Variants in PCDHA1 observed in about 807,000 individuals in gnomAD.
The protein encoded by PCDHA1 is protocadherin alpha-1.
In PCDHA1, 42 loss-of-function variants were observed where a neutral mutation model predicts 61.3. The ratio of observed to expected loss-of-function variants is 0.69; its 90% CI spans 0.54 to 0.89. The LOEUF is 0.89. Among genes scored for constraint, PCDHA1 ranks in the 40% least tolerant of loss-of-function variants. PCDHA1 has a pLI of 0.00. For missense variants in PCDHA1, 1,256 were observed against 1,235.3 expected (o/e 1.02, Z -0.25); for synonymous variants, 610 against 553.8 (o/e 1.10, Z -1.43).
At chr5:141,004,839 C>G (rs1168305271) in intron 3 of PCDHA1, among the ~76,000 whole-genome samples, 1 of 152,168 alleles carries the variant, frequency 6.6e-6, no homozygotes, top group Non-Finnish European at 1.5e-5. Context: ...AGATCAAAGT[C>G]ATTAGTCTCA....
chr5:140,849,485 G>A, intron 1 of PCDHA1: 1 of 1,590,948 alleles, frequency 6.3e-7, no homozygotes, highest in African/African-American at 1.4e-5. Flanking sequence ...TCCCACCCCT[G>A]GCTGGTCATT....
intron 1 of PCDHA1, among the ~76,000 whole-genome samples, chr5:140,916,378 A>C (rs772984424): frequency 6.6e-6 from 1 of 152,158 alleles, no homozygotes; most frequent in Non-Finnish European, 1.5e-5. Flanking sequence ...TGTAGCCACC[A>C]CAACTAGGAA....
intron 3 of PCDHA1, among the ~76,000 whole-genome samples, chr5:141,007,362 G>A (rs1554261189): frequency 6.8e-6 from 1 of 146,590 alleles, no homozygotes; most frequent in Non-Finnish European, 1.5e-5. Context: ...ACCAGCCTGG[G>A]CAACATGATG....
intron 1 of PCDHA1, chr5:140,830,378 G>T: frequency 6.2e-7 from 1 of 1,614,122 alleles, no homozygotes; most frequent in African/African-American, 1.3e-5. Flanking sequence ...CTCCGGGGAG[G>T]GCCCACCCAA....
chr5:141,006,343 C>T (rs1036137270), intron 3 of PCDHA1, among the ~76,000 whole-genome samples: 41 of 152,038 alleles, frequency 2.7e-4, no homozygotes, highest in African/African-American at 8.9e-4. Context: ...TCCTGAGTAG[C>T]TGGGACTATA....
chr5:140,910,103 T>C (rs1485345908), intron 1 of PCDHA1, among the ~76,000 whole-genome samples: 2 of 152,192 alleles, frequency 1.3e-5, no homozygotes, highest in Admixed American at 6.5e-5. Flanking sequence ...CTCCCCTTCA[T>C]TTAAGGGATT....
At chr5:140,795,751 A>T (rs782311905) in intron 1 of PCDHA1, 1 of 1,614,064 alleles carries the variant, frequency 6.2e-7, no homozygotes, top group South Asian at 1.1e-5. Context: ...CTTAGTGGTT[A>T]AGTTAAACGC....
intron 1 of PCDHA1, chr5:140,857,554 G>A (rs782355772): frequency 1.3e-6 from 2 of 1,596,880 alleles, no homozygotes; most frequent in East Asian, 4.5e-5. Flanking sequence ...GCGAGCGCTC[G>A]CTGTCGAGCT....
chr5:140,877,095 C>G, intron 1 of PCDHA1: 1 of 1,613,330 alleles, frequency 6.2e-7, no homozygotes, highest in Admixed American at 1.7e-5. Flanking sequence ...GCGACGCCGG[C>G]GTGCCGCCTC....
intron 1 of PCDHA1, chr5:140,868,989 C>T (rs1280457697): frequency 1.3e-6 from 2 of 1,506,850 alleles, no homozygotes; most frequent in Non-Finnish European, 1.8e-6. Context: ...CGGATGCCAC[C>T]GTTTAAGGAT....
chr5:140,811,842 G>A (rs1385551513), intron 1 of PCDHA1: 1 of 152,136 alleles, frequency 6.6e-6, no homozygotes, highest in Non-Finnish European at 1.5e-5. Context: ...CTTTTTGATA[G>A]GGTTTTTTGT....
At chr5:140,839,146 T>A (rs2150295080) in intron 1 of PCDHA1, among the ~76,000 whole-genome samples, 1 of 129,620 alleles carries the variant, frequency 7.7e-6, no homozygotes, top group Non-Finnish European at 1.6e-5. Flanking sequence ...GCAGACCAAG[T>A]TTGCTGCTCT....
chr5:140,802,086 C>A, intron 1 of PCDHA1: 2 of 1,614,144 alleles, frequency 1.2e-6, no homozygotes, highest in Non-Finnish European at 1.7e-6. Flanking sequence ...CCATTTAGAT[C>A]CAGTCAATGG....
chr5:140,870,329 A>G, intron 1 of PCDHA1: 1 of 1,614,160 alleles, frequency 6.2e-7, no homozygotes, highest in Non-Finnish European at 8.5e-7. Context: ...TTGGTGCTGG[A>G]CAGCGCCCTG....
intron 1 of PCDHA1, among the ~76,000 whole-genome samples, chr5:140,971,333 G>A (rs1015985935): frequency 6.6e-6 from 1 of 152,194 alleles, no homozygotes. Context: ...AATTATTTCA[G>A]AAAGTGCTTG....
intron 1 of PCDHA1, chr5:140,810,985 G>T (rs1259488309): frequency 6.6e-6 from 1 of 152,024 alleles, no homozygotes; most frequent in East Asian, 1.9e-4. Flanking sequence ...TGAGGTAGGG[G>T]TCAAGATTTA....
intron 1 of PCDHA1, chr5:140,856,435 G>C (rs2043994865): frequency 6.3e-7 from 1 of 1,598,204 alleles, no homozygotes; most frequent in Non-Finnish European, 8.6e-7. Flanking sequence ...ACGACAACCC[G>C]CCCAGGTTCT....
chr5:140,902,637 C>T (rs1554190530), intron 1 of PCDHA1, among the ~76,000 whole-genome samples: 1 of 151,910 alleles, frequency 6.6e-6, no homozygotes, highest in Non-Finnish European at 1.5e-5. Context: ...GTGGTGATTT[C>T]TGAGATTTTG....
intron 1 of PCDHA1, chr5:140,929,554 C>A (rs899446101): frequency 6.1e-6 from 3 of 488,410 alleles, no homozygotes; most frequent in African/African-American, 4.0e-5. Flanking sequence ...AAAATTAAAA[C>A]CTATTTAAGA....
Sources: allele counts gnomAD v4.1 joint callset (sites outside exome capture counted in the v4.1 genomes callset), GRCh38; gene constraint gnomAD v4.1.1; transcripts MANE v1.5; gene names NCBI Gene and HGNC (gene_info 2026-07-23, HGNC 2026-07-21).